Variants in NKAIN2 observed in about 807,000 individuals in gnomAD.
The protein encoded by NKAIN2 is sodium/potassium transporting ATPase interacting 2.
In NKAIN2, 14 loss-of-function variants were observed where a neutral mutation model predicts 32.6. That is an observed-to-expected ratio of 0.43 (90% CI 0.28 to 0.67). The LOEUF is 0.67. NKAIN2 is among the 30% of genes least tolerant of loss of function. The pLI, the probability that NKAIN2 is intolerant of heterozygous loss-of-function variation, is 0.17. For synonymous variants in NKAIN2, 80 were observed against 87.2 expected (o/e 0.92, Z 0.46); for missense variants, 198 against 258.3 (o/e 0.77, Z 1.60).
intron 1 of NKAIN2, among the ~76,000 whole-genome samples, chr6:124,165,837 G>A (rs1788509189): frequency 7.2e-6 from 1 of 139,438 alleles, no homozygotes; most frequent in African/African-American, 2.7e-5. Context: ...CCCTACAAAG[G>A]ACATGAACTC....
intron 3 of NKAIN2, chr6:124,391,120 A>C (rs1160338546): frequency 6.6e-6 from 1 of 152,148 alleles, no homozygotes; most frequent in Non-Finnish European, 1.5e-5. Context: ...GTGGATGATT[A>C]ACAAATACAC....
chr6:124,244,172 G>C (rs1019141352), intron 1 of NKAIN2, among the ~76,000 whole-genome samples: 2 of 150,282 alleles, frequency 1.3e-5, no homozygotes, highest in African/African-American at 4.9e-5. Context: ...CATGTGCCAT[G>C]CTGGTGCGCT....
At chr6:124,183,348 TA>T (rs1425740112) in intron 1 of NKAIN2, among the ~76,000 whole-genome samples, 1 of 152,142 alleles carries the variant, frequency 6.6e-6, no homozygotes, top group Non-Finnish European at 1.5e-5. Flanking sequence ...CTTCTATTAC[TA>T]ATAAAAGTAT....
At chr6:124,821,422 AT>A (rs1221875018) in intron 6 of NKAIN2, among the ~76,000 whole-genome samples, 2 of 152,208 alleles carry the variant, frequency 1.3e-5, no homozygotes, top group Non-Finnish European at 2.9e-5. Context: ...GCTGTAATAA[AT>A]TAGAGGTAAT....
chr6:124,507,805 C>T (rs759973577), intron 3 of NKAIN2, among the ~76,000 whole-genome samples: 10 of 151,660 alleles, frequency 6.6e-5, no homozygotes, highest in Non-Finnish European at 1.3e-4. Flanking sequence ...GTACCAAACC[C>T]GGGGACATAA....
chr6:123,846,850 A>G (rs1775114547), intron 1 of NKAIN2, among the ~76,000 whole-genome samples: 1 of 151,580 alleles, frequency 6.6e-6, no homozygotes, highest in African/African-American at 2.4e-5. Flanking sequence ...GCGCGCACAC[A>G]CACACACACA....
chr6:124,328,324 C>A (rs896636242), intron 2 of NKAIN2, among the ~76,000 whole-genome samples: 1 of 152,082 alleles, frequency 6.6e-6, no homozygotes, highest in Non-Finnish European at 1.5e-5. Flanking sequence ...CTATATTGAT[C>A]CTGGCTTATA....
chr6:123,841,037 T>G (rs549658685), intron 1 of NKAIN2, among the ~76,000 whole-genome samples: 4 of 152,300 alleles, frequency 2.6e-5, no homozygotes, highest in South Asian at 2.1e-4. Context: ...TTAAATGCAA[T>G]GTAGATCTGA....
At chr6:124,188,363 C>G (rs1789851262) in intron 1 of NKAIN2, among the ~76,000 whole-genome samples, 1 of 152,150 alleles carries the variant, frequency 6.6e-6, no homozygotes, top group Non-Finnish European at 1.5e-5. Flanking sequence ...AAGCTTCTAT[C>G]CATTGGGAGA....
intron 1 of NKAIN2, among the ~76,000 whole-genome samples, chr6:124,028,569 T>A (rs1781224990): frequency 6.6e-6 from 1 of 151,546 alleles, no homozygotes; most frequent in Non-Finnish European, 1.5e-5. Context: ...GGAAATGGAC[T>A]ATGGGATCAC....
At chr6:124,205,109 T>G (rs991174560) in intron 1 of NKAIN2, among the ~76,000 whole-genome samples, 1 of 150,256 alleles carries the variant, frequency 6.7e-6, no homozygotes, top group African/African-American at 2.5e-5. Flanking sequence ...AATTACACAC[T>G]GCATTTTGTT....
chr6:124,508,486 A>G (rs1176723156), intron 3 of NKAIN2, among the ~76,000 whole-genome samples: 3 of 136,422 alleles, frequency 2.2e-5, no homozygotes, highest in Non-Finnish European at 4.7e-5. Context: ...CTGGGACTAC[A>G]GGCGCCACCA....
At chr6:123,957,087 G>T (rs1050669849) in intron 1 of NKAIN2, among the ~76,000 whole-genome samples, 3 of 152,002 alleles carry the variant, frequency 2.0e-5, no homozygotes, top group Admixed American at 6.6e-5. Flanking sequence ...TCCACCATCT[G>T]GTAGGCCCCA....
At chr6:124,589,695 T>G (rs1031556747) in intron 3 of NKAIN2, among the ~76,000 whole-genome samples, 1 of 152,326 alleles carries the variant, frequency 6.6e-6, no homozygotes, top group East Asian at 1.9e-4. Flanking sequence ...AGTTCTGGGA[T>G]ACATGTGCAG....
At chr6:123,844,568 A>G (rs892948696) in intron 1 of NKAIN2, among the ~76,000 whole-genome samples, 4 of 152,204 alleles carry the variant, frequency 2.6e-5, no homozygotes, top group Non-Finnish European at 4.4e-5. Context: ...AATAACTTTC[A>G]GGCCATCTAA....
At position 124,658,288 on chromosome 6, in the gene NKAIN2, T is replaced by G. The variant is rs1368339436; in HGVS notation, c.376T>G (p.Trp126Gly). 6.2e-7 allele frequency: 1 copy of G among 1,614,154 alleles called. No homozygotes were observed. The part of the protein sequence containing the change: ...TVTSVTPAPD[W>G]APEDHRYITV... ...GACGTCAGTGACACCTGCCCCAGAC[T>G]GGGCCCCAGAAGACCATCGCTACAT... The change falls in exon 4 of 7, where the codon TGG (tryptophan) becomes GGG (glycine). Residue 126 changes from tryptophan (W) to glycine (G), a missense_variant. Transcript: ENST00000368417.
At chr6:124,692,795 C>G (rs1255377872) in intron 4 of NKAIN2, among the ~76,000 whole-genome samples, 1 of 151,192 alleles carries the variant, frequency 6.6e-6, no homozygotes, top group African/African-American at 2.4e-5. Context: ...CCAGCCTAGG[C>G]GACAGAGCAA....
At chr6:123,937,023 A>C (rs1776542703) in intron 1 of NKAIN2, among the ~76,000 whole-genome samples, 1 of 152,054 alleles carries the variant, frequency 6.6e-6, no homozygotes, top group Non-Finnish European at 1.5e-5. Context: ...TGACTACTGT[A>C]CTCTGTCACA....
At chr6:124,326,614 C>CTCTTTA in intron 2 of NKAIN2, among the ~76,000 whole-genome samples, 1 of 152,250 alleles carries the variant, frequency 6.6e-6, no homozygotes, top group Middle Eastern at 3.4e-3. Context: ...CTCACCCTTA[C>CTCTTTA]CTCCAGGGTT....
Sources: allele counts gnomAD v4.1 joint callset (sites outside exome capture counted in the v4.1 genomes callset), GRCh38; gene constraint gnomAD v4.1.1; transcripts MANE v1.5; gene names NCBI Gene and HGNC (gene_info 2026-07-23, HGNC 2026-07-21).